The following CHRM2 variants were observed in gnomAD, a reference collection of about 807,000 sequenced individuals.
The protein encoded by CHRM2 is muscarinic acetylcholine receptor M2.
CHRM2 carries 8 observed loss-of-function variants against 25.0 expected under a neutral mutation model. That is an observed-to-expected ratio of 0.32 (90% CI 0.19 to 0.58). The LOEUF (loss-of-function observed/expected upper bound fraction) is 0.58, where lower values mean the gene tolerates loss of function less well. Among genes scored for constraint, CHRM2 ranks in the 20% least tolerant of loss-of-function variants. The pLI, the probability that CHRM2 is intolerant of heterozygous loss-of-function variation, is 0.88. For missense variants in CHRM2, 440 were observed against 567.1 expected, an observed-to-expected ratio of 0.78 and a Z score of 2.28; for synonymous variants, 202 against 205.7, an observed-to-expected ratio of 0.98 and a Z score of 0.15.
chr7:136,870,850 G>C (rs942879543), intron 2 of CHRM2: 1 of 152,294 alleles, frequency 6.6e-6, no homozygotes, highest in East Asian at 1.9e-4. Context: ...AGAGCGCGGC[G>C]CCTCCCACTC....
At chr7:136,970,470 T>C (rs1801688875) in intron 2 of CHRM2, among the ~76,000 whole-genome samples, 1 of 152,200 alleles carries the variant, frequency 6.6e-6, no homozygotes, top group African/African-American at 2.4e-5. Flanking sequence ...TAATCCCATA[T>C]TTTACTTGAG....
intron 2 of CHRM2, among the ~76,000 whole-genome samples, chr7:136,874,488 ATT>A (rs1795967344): frequency 6.6e-6 from 1 of 151,212 alleles, no homozygotes; most frequent in African/African-American, 2.4e-5. Context: ...CAGTTTTCTC[ATT>A]TTCTTTCATT....
At chr7:136,925,572 G>A (rs372295676) in intron 2 of CHRM2, among the ~76,000 whole-genome samples, 6 of 151,390 alleles carry the variant, frequency 4.0e-5, no homozygotes, top group Non-Finnish European at 7.4e-5. Flanking sequence ...GTCTACAATA[G>A]AAAATAAGGG....
chr7:136,968,743 T>TAC (rs1554427382), intron 2 of CHRM2, among the ~76,000 whole-genome samples: 2 of 146,638 alleles, frequency 1.4e-5, no homozygotes, highest in African/African-American at 2.5e-5. Context: ...TATATATATA[T>TAC]ACAGACAATA....
intron 2 of CHRM2, among the ~76,000 whole-genome samples, chr7:136,896,419 A>G (rs962526643): frequency 6.6e-6 from 1 of 152,134 alleles, no homozygotes; most frequent in Non-Finnish European, 1.5e-5. Context: ...CTGGGGCGAC[A>G]TTGTTTTCCT....
chr7:136,926,303 A>C (rs182242193), intron 2 of CHRM2, among the ~76,000 whole-genome samples: 2 of 152,270 alleles, frequency 1.3e-5, no homozygotes, highest in African/African-American at 2.4e-5. Flanking sequence ...ACATAAGATA[A>C]ATCTAACTCA....
At chr7:136,991,081 C>A (rs998404657) in intron 2 of CHRM2, among the ~76,000 whole-genome samples, 2 of 152,086 alleles carry the variant, frequency 1.3e-5, no homozygotes, top group Admixed American at 6.6e-5. Context: ...CAGTCTGTGG[C>A]TTCTTTGCTC....
chr7:136,957,901 A>G (rs1476044541), intron 2 of CHRM2, among the ~76,000 whole-genome samples: 2 of 152,246 alleles, frequency 1.3e-5, no homozygotes, highest in African/African-American at 4.8e-5. Flanking sequence ...TCAATTCACT[A>G]AGAATATCAA....
In CHRM2 at chr7:137,015,630, G is replaced by A. The variant is rs1296828064; in HGVS notation, c.765G>A (p.Leu255=). 1 of 1,612,930 alleles carries A rather than the reference G, an allele frequency of 6.2e-7. No individual in the cohort carries two copies. The highest frequency in any genetic ancestry group is 1.1e-5 in the South Asian group (1 of 91,058). The change falls in exon 4 of 4, where the codon CTG becomes CTA. Residue 255 remains leucine (L), a synonymous_variant. Transcript: ENST00000680005. This position sits in a 1 kb window ranked among gnomAD's most constrained non-coding sequence, Gnocchi z 5.1. ...ACATGCCCAGCAGTGACGATGGCCT[G>A]GAGCACAACAAAATCCAGAATGGCA... The part of the protein sequence containing the change: ...NNNMPSSDDG[L]EHNKIQNGKA...
At chr7:136,895,637 T>C (rs963667293) in intron 2 of CHRM2, among the ~76,000 whole-genome samples, 5 of 152,216 alleles carry the variant, frequency 3.3e-5, no homozygotes, top group Admixed American at 1.3e-4. Flanking sequence ...CTCCTCTCTC[T>C]TTTTTGGTTG....
At chr7:136,993,853 G>A (rs1265418710) in intron 3 of CHRM2, among the ~76,000 whole-genome samples, 2 of 151,920 alleles carry the variant, frequency 1.3e-5, no homozygotes, top group African/African-American at 4.8e-5. Context: ...AAGAAAAAAA[G>A]CACTCACAAA....
At position 136,918,355 on chromosome 7, in the gene CHRM2, A is replaced by T. The variant is rs184577123; in HGVS notation, c.-125+48937A>T. ...TGTGACTTAAAATTACTAGTTACTA[A>T]CAACTAGTATTTTGTTTCATCTTTT... On this transcript the variant is annotated intron_variant, in intron 2 of 3. Transcript: ENST00000680005. 2.0e-5 allele frequency among the ~76,000 whole-genome samples: 3 copies of T among 152,224 alleles called. No individual in the cohort carries two copies. The East Asian group carries it at 5.8e-4, about 29-fold the overall frequency.
chr7:136,883,772 G>T (rs1796355730), intron 2 of CHRM2, among the ~76,000 whole-genome samples: 1 of 152,092 alleles, frequency 6.6e-6, no homozygotes, highest in Admixed American at 6.6e-5. Context: ...GTAAGATTTT[G>T]TTGGAAAGGC....
intron 2 of CHRM2, among the ~76,000 whole-genome samples, chr7:136,878,027 C>T (rs1466043797): frequency 2.6e-5 from 4 of 151,988 alleles, no homozygotes; most frequent in Admixed American, 6.6e-5. Context: ...AAATACATTT[C>T]ACAACCTGTT....
chr7:136,997,189 G>A (rs1219039470), intron 3 of CHRM2, among the ~76,000 whole-genome samples: 2 of 152,140 alleles, frequency 1.3e-5, no homozygotes, highest in African/African-American at 4.8e-5. Context: ...CTTTAAAATA[G>A]TACATGTATA....
Position 137,016,487 on chromosome 7 carries a change from A to C in CHRM2, c.*221A>C, listed in dbSNP as rs1188482589. On this transcript the variant is annotated 3_prime_UTR_variant, in exon 4 of 4. Transcript: ENST00000680005. ...AGTATTAGGAGCAATGAGACAATGA[A>C]AGAAACATGTTGGGATCGTGGATTT... 1 of 557,584 alleles carries C rather than the reference A, an allele frequency of 1.8e-6. No individual in the cohort carries two copies. The highest frequency in any genetic ancestry group is 1.9e-5 in the African/African-American group (1 of 52,914). 34.5% of individuals were successfully genotyped at this position (557,584 alleles called of 1,614,324 possible). A position where few individuals can be genotyped will look rare whatever the true frequency, so the allele number is the denominator to read the frequency against.
At position 136,868,927 on chromosome 7, in the gene CHRM2, G is replaced by A. The variant is rs1337557075; in HGVS notation, c.-348G>A. 3.9e-5 allele frequency: 6 copies of A among 152,254 alleles called. No homozygotes were observed. Among genetic ancestry groups the A allele is most frequent in the Admixed American group, 3.9e-4 (6 of 15,274 alleles). 9.4% of individuals were successfully genotyped at this position (152,254 alleles called of 1,614,324 possible). ...GCACTTTGGTGAAGAAATGAATCCAGCCCAGCTCGCCGAGGCATCCAGGTC... is the reference window on the plus strand; with the variant it reads ...GCACTTTGGTGAAGAAATGAATCCAACCCAGCTCGCCGAGGCATCCAGGTC... On this transcript the variant is annotated 5_prime_UTR_variant, in exon 1 of 4. Transcript: ENST00000680005.
intron 2 of CHRM2, among the ~76,000 whole-genome samples, chr7:136,875,653 G>A (rs139099440): frequency 2.2e-3 from 329 of 152,192 alleles, no homozygotes; most frequent in African/African-American, 7.3e-3. Context: ...TGAACATGTC[G>A]TTCTCCTGTT....
chr7:136,875,863 G>A (rs1021590008), intron 2 of CHRM2, among the ~76,000 whole-genome samples: 6 of 151,992 alleles, frequency 3.9e-5, no homozygotes, highest in Admixed American at 1.3e-4. Flanking sequence ...ATAAATACTA[G>A]CCAATATATT....
Sources: gnomAD v4.1 joint callset for allele counts (sites outside exome capture counted in the v4.1 genomes callset) on GRCh38, gnomAD v4.1.1 for gene constraint, Gnocchi (gnomAD v3.1) non-coding constraint, MANE v1.5 for transcripts, NCBI Gene and HGNC (gene_info 2026-07-23, HGNC 2026-07-21) for gene names.